The following LARS2 variants were observed in gnomAD, a reference collection of about 807,000 sequenced individuals.
LARS2 encodes leucyl-tRNA synthetase 2, mitochondrial.
LARS2 carries 81 observed loss-of-function variants against 116.6 expected under a neutral mutation model. That is an observed-to-expected ratio of 0.69 (90% CI 0.58 to 0.84). The LOEUF is 0.84. Ranked by LOEUF, LARS2 falls within the 40% of genes least tolerant of loss-of-function variation. The pLI is 0.00. For missense variants in LARS2, 968 were observed against 1,114.5 expected (o/e 0.87, Z 1.87); for synonymous variants, 396 against 407.2 (o/e 0.97, Z 0.33).
intron 6 of LARS2, among the ~76,000 whole-genome samples, chr3:45,444,678 A>AAC (rs1698987053): frequency 2.0e-5 from 3 of 150,208 alleles, no homozygotes; most frequent in Admixed American, 6.6e-5. Context: ...AAAAAAAAAA[A>AAC]AAAAAAACAA....
intron 7 of LARS2, among the ~76,000 whole-genome samples, chr3:45,450,728 A>G (rs1199642739): frequency 2.0e-5 from 3 of 152,206 alleles, no homozygotes. Flanking sequence ...TCCTTTGGAT[A>G]TATACCCAGC....
At chr3:45,439,078 C>T (rs1698858050) in intron 6 of LARS2, among the ~76,000 whole-genome samples, 1 of 152,114 alleles carries the variant, frequency 6.6e-6, no homozygotes, top group Non-Finnish European at 1.5e-5. Flanking sequence ...GCCCTGTTCC[C>T]TACTTCCTCC....
rs1375052513 is a variant in LARS2 at position 45,391,605 on chromosome 3, CATT to C, written c.-61_-59del. ...CAGATCCAGACCTACAGATAAAAAA[CATT>C]ATTTAATCTATCTGGGATTTACTCC... On this transcript the variant is annotated 5_prime_UTR_variant, in exon 2 of 22. Transcript: ENST00000645846. 6.6e-6 allele frequency: 1 copy of C among 151,678 alleles called. No homozygotes were observed. Among genetic ancestry groups the C allele is most frequent in the African/African-American group, 2.4e-5 (1 of 41,252 alleles). 9.4% of individuals were successfully genotyped at this position (151,678 alleles called of 1,614,324 possible).
chr3:45,536,627 C>G (rs1358502691), intron 20 of LARS2, among the ~76,000 whole-genome samples: 2 of 152,216 alleles, frequency 1.3e-5, no homozygotes, highest in East Asian at 3.9e-4. Context: ...AGAAAAGTGC[C>G]TACAACCATC....
At chr3:45,492,099 C>A (rs1330121373) in intron 13 of LARS2, among the ~76,000 whole-genome samples, 1 of 152,230 alleles carries the variant, frequency 6.6e-6, no homozygotes, top group Non-Finnish European at 1.5e-5. Context: ...TTCCTTACAG[C>A]TTTGTAAAAA....
chr3:45,523,935 T>G, intron 19 of LARS2, 62 bp from the exon 20 acceptor site: 1 of 1,201,044 alleles, frequency 8.3e-7, no homozygotes, highest in Non-Finnish European at 1.2e-6. Flanking sequence ...ACATTAATGG[T>G]CTTTCTTACC....
intron 10 of LARS2, among the ~76,000 whole-genome samples, chr3:45,484,603 C>CAAAAAAAA (rs1156814528): frequency 1.4e-4 from 2 of 14,730 alleles, no homozygotes; most frequent in African/African-American, 3.7e-4. Flanking sequence ...CCTGTCTCTA[C>CAAAAAAAA]AAAAAAAAAA....
chr3:45,504,267 T>A (rs1700165683), intron 15 of LARS2, among the ~76,000 whole-genome samples: 1 of 152,026 alleles, frequency 6.6e-6, no homozygotes, highest in South Asian at 2.1e-4. Flanking sequence ...TCAAAAAATA[T>A]GTGTCTTTAA....
intron 4 of LARS2, among the ~76,000 whole-genome samples, chr3:45,416,737 A>G (rs1382327655): frequency 6.6e-6 from 1 of 152,144 alleles, no homozygotes; most frequent in Non-Finnish European, 1.5e-5. Flanking sequence ...TGTAATAGCT[A>G]TGTGTGGCTA....
At chr3:45,407,347 A>G (rs1245420599) in intron 4 of LARS2, among the ~76,000 whole-genome samples, 1 of 152,214 alleles carries the variant, frequency 6.6e-6, no homozygotes, top group Non-Finnish European at 1.5e-5. Flanking sequence ...TCTCTGTAGC[A>G]TCTGAAAGTA....
At chr3:45,471,134 G>A (rs1188661403) in intron 8 of LARS2, among the ~76,000 whole-genome samples, 1 of 149,256 alleles carries the variant, frequency 6.7e-6, no homozygotes, top group Non-Finnish European at 1.5e-5. Flanking sequence ...CTGTAGCACC[G>A]TAACTACTCA....
At chr3:45,414,332 A>T (rs1214628790) in intron 4 of LARS2, among the ~76,000 whole-genome samples, 1 of 152,216 alleles carries the variant, frequency 6.6e-6, no homozygotes, top group Non-Finnish European at 1.5e-5. Flanking sequence ...ACCACATGTA[A>T]CTGGTACGTA....
intron 7 of LARS2, among the ~76,000 whole-genome samples, chr3:45,449,402 T>A (rs112295764): frequency 1.5e-4 from 23 of 152,234 alleles, no homozygotes; most frequent in African/African-American, 5.5e-4. Context: ...ACTCAGGTGA[T>A]CTGCCCGCCT....
chr3:45,444,305 G>A (rs1456017317), intron 6 of LARS2, among the ~76,000 whole-genome samples: 4 of 149,684 alleles, frequency 2.7e-5, no homozygotes, highest in Middle Eastern at 3.2e-3. Context: ...GAGCCACTGC[G>A]CCCAGCCCTT....
At chr3:45,506,572 T>G (rs1442509409) in intron 15 of LARS2, among the ~76,000 whole-genome samples, 1 of 152,112 alleles carries the variant, frequency 6.6e-6, no homozygotes. Flanking sequence ...GAGATGATAG[T>G]ACAGCTATTC....
Position 45,428,447 on chromosome 3 carries a change from G to A in LARS2, c.516+8718G>A, listed in dbSNP as rs367923500. Among the ~76,000 whole-genome samples the A allele has an allele frequency of 4.0e-5, 6 of 150,678 alleles. No homozygotes were observed. In the South Asian group the frequency reaches 6.3e-4, roughly 16 times the overall value. ...TTTTTAGTAGAGACAGGGTTTCACC[G>A]TGTTAGCCAGGATGGTCTCAATCTC... On this transcript the variant is annotated intron_variant, in intron 6 of 21. Transcript: ENST00000645846.
chr3:45,542,083 C>A, intron 21 of LARS2, 127 bp downstream of exon 21: 1 of 1,211,420 alleles, frequency 8.3e-7, no homozygotes, highest in Non-Finnish European at 1.2e-6. Flanking sequence ...CCCTCAGCCA[C>A]ACCTTGTGAC....
chr3:45,422,255 A>G (rs1698526032), intron 6 of LARS2: 1 of 152,158 alleles, frequency 6.6e-6, no homozygotes, highest in African/African-American at 2.4e-5. Flanking sequence ...GAATTTGAAC[A>G]GGGTATGTAT....
chr3:45,485,572 A>C, intron 10 of LARS2, 120 bp from the exon 11 acceptor site: 1 of 580,410 alleles, frequency 1.7e-6, no homozygotes. Context: ...AACTTATTTA[A>C]CAATTAGCAG....
Sources: gnomAD v4.1 joint callset for allele counts (sites outside exome capture counted in the v4.1 genomes callset) on GRCh38, gnomAD v4.1.1 for gene constraint, MANE v1.5 for transcripts, NCBI Gene and HGNC (gene_info 2026-07-23, HGNC 2026-07-21) for gene names.